ANO6: variants seen among roughly 807,000 people sequenced by gnomAD.
The protein encoded by ANO6 is anoctamin 6, also known as anoctamin-6.
A neutral mutation model predicts 117.5 loss-of-function variants in ANO6; 106 were observed. That is an observed-to-expected ratio of 0.90 (90% CI 0.77 to 1.06). The LOEUF (loss-of-function observed/expected upper bound fraction) is 1.06, where lower values mean the gene tolerates loss of function less well. Among genes scored for constraint, ANO6 ranks in the 50% least tolerant of loss-of-function variants. ANO6 has a pLI of 0.00. For synonymous variants in ANO6, 367 were observed against 385.1 expected (o/e 0.95, Z 0.55); for missense variants, 955 against 1,121.1 (o/e 0.85, Z 2.12).
chr12:45,330,346 A>T (rs990098973), intron 2 of ANO6, among the ~76,000 whole-genome samples: 2 of 152,182 alleles, frequency 1.3e-5, no homozygotes, highest in African/African-American at 2.4e-5. Context: ...GAGGAGAATT[A>T]ATCACATTTA....
At chr12:45,437,818 C>T (rs1943725088) in intron 19 of ANO6, among the ~76,000 whole-genome samples, 1 of 152,168 alleles carries the variant, frequency 6.6e-6, no homozygotes, top group South Asian at 2.1e-4. Context: ...AATCCACCCA[C>T]CTTGCCTCCC....
intron 2 of ANO6, among the ~76,000 whole-genome samples, chr12:45,319,695 C>T (rs1940186810): frequency 6.6e-6 from 1 of 152,142 alleles, no homozygotes; most frequent in Non-Finnish European, 1.5e-5. Flanking sequence ...AGGAATGGTA[C>T]CAGTTCCTCC....
chr12:45,242,371 C>T (rs1044705129), intron 1 of ANO6, among the ~76,000 whole-genome samples: 1 of 152,258 alleles, frequency 6.6e-6, no homozygotes, highest in Non-Finnish European at 1.5e-5. Flanking sequence ...GCCGTGGGAC[C>T]TGCCAAGCCA....
intron 1 of ANO6, among the ~76,000 whole-genome samples, chr12:45,222,103 C>T (rs1202215027): frequency 6.6e-6 from 1 of 151,670 alleles, no homozygotes; most frequent in Non-Finnish European, 1.5e-5. Flanking sequence ...AGGATGGTCT[C>T]ATCTCCTGAC....
chr12:45,345,705 C>T lies in ANO6; in HGVS notation c.280-1317C>T, dbSNP rs183571926. On this transcript the variant is annotated intron_variant, in intron 3 of 19. Coordinates refer to ENST00000320560, the MANE Select transcript of ANO6 (RefSeq NM_001025356.3). ...GTTCTACAGATGAAGAAAAATGAGG[C>T]ATGGAGAGTTTAATTTTCTTGTCAT... 4.4e-3 allele frequency among the ~76,000 whole-genome samples: 662 copies of T among 152,132 alleles called. 2 individuals are homozygous for T. Among genetic ancestry groups the T allele is most frequent in the Middle Eastern group, 0.01 (3 of 294 alleles).
At chr12:45,330,518 A>G (rs529288652) in intron 2 of ANO6, among the ~76,000 whole-genome samples, 1 of 152,278 alleles carries the variant, frequency 6.6e-6, no homozygotes, top group South Asian at 2.1e-4. Context: ...CACAAATTCA[A>G]ATCATTCCTC....
chr12:45,304,509 A>G (rs1468725385), intron 2 of ANO6, among the ~76,000 whole-genome samples: 1 of 152,222 alleles, frequency 6.6e-6, no homozygotes, highest in Non-Finnish European at 1.5e-5. Context: ...GTTTTTCTCC[A>G]TCTGGCATTT....
chr12:45,319,608 G>A (rs950738729), intron 2 of ANO6, among the ~76,000 whole-genome samples: 6 of 152,148 alleles, frequency 3.9e-5, no homozygotes, highest in Non-Finnish European at 5.9e-5. Context: ...CCAGGCTTTG[G>A]TATCAGGATG....
intron 8 of ANO6, among the ~76,000 whole-genome samples, chr12:45,359,431 A>G (rs12303119): frequency 0.014 from 2,070 of 152,234 alleles, 47 homozygotes; most frequent in African/African-American, 0.048. Context: ...ACCAGTGCCC[A>G]TTAGCACTCA....
At chr12:45,340,080 T>C (rs1449682029) in intron 3 of ANO6, among the ~76,000 whole-genome samples, 2 of 152,112 alleles carry the variant, frequency 1.3e-5, no homozygotes, top group Admixed American at 1.3e-4. Context: ...CGCAAGTAAG[T>C]CCTTCACAAC....
At chr12:45,343,252 A>G (rs2137434117) in intron 3 of ANO6, among the ~76,000 whole-genome samples, 1 of 152,226 alleles carries the variant, frequency 6.6e-6, no homozygotes, top group East Asian at 1.9e-4. Flanking sequence ...TAAAACACTC[A>G]TCAAGCCACT....
intron 15 of ANO6, among the ~76,000 whole-genome samples, chr12:45,406,093 T>G (rs1942928303): frequency 6.6e-6 from 1 of 152,196 alleles, no homozygotes; most frequent in African/African-American, 2.4e-5. Flanking sequence ...TCTCCCGCCT[T>G]TGGGCCCATA....
At chr12:45,277,002 A>G (rs1404362019) in intron 1 of ANO6, among the ~76,000 whole-genome samples, 3 of 152,156 alleles carry the variant, frequency 2.0e-5, no homozygotes, top group Non-Finnish European at 4.4e-5. Context: ...ACTGTAGCTG[A>G]TTCTTTTAGT....
intron 3 of ANO6, among the ~76,000 whole-genome samples, chr12:45,341,652 T>C (rs1189198248): frequency 6.6e-6 from 1 of 152,100 alleles, no homozygotes; most frequent in Non-Finnish European, 1.5e-5. Flanking sequence ...GATAGCCAAG[T>C]GGTGTAGAAG....
intron 1 of ANO6, among the ~76,000 whole-genome samples, chr12:45,261,606 A>G: frequency 6.6e-6 from 1 of 152,240 alleles, no homozygotes; most frequent in East Asian, 1.9e-4. Context: ...GTAACTCCAA[A>G]GGACTTGCTT....
intron 3 of ANO6, among the ~76,000 whole-genome samples, chr12:45,337,264 C>T (rs898635235): frequency 1.3e-5 from 2 of 152,012 alleles, no homozygotes; most frequent in East Asian, 1.9e-4. Context: ...AACTGGTATA[C>T]CATCTGTAAA....
chr12:45,435,556 A>T (rs138393562), downstream of ANO6, among the ~76,000 whole-genome samples: 2 of 152,320 alleles, frequency 1.3e-5, no homozygotes, highest in Admixed American at 6.5e-5. Flanking sequence ...TACCCTGCAT[A>T]TTGTAAATGA....
At chr12:45,243,090 G>A (rs1947770454) in intron 1 of ANO6, among the ~76,000 whole-genome samples, 1 of 152,214 alleles carries the variant, frequency 6.6e-6, no homozygotes, top group Non-Finnish European at 1.5e-5. Flanking sequence ...TGAAGTGGGA[G>A]GATTGCTTGA....
At chr12:45,385,357 G>T (rs1356637292) in intron 10 of ANO6, among the ~76,000 whole-genome samples, 1 of 152,144 alleles carries the variant, frequency 6.6e-6, no homozygotes, top group Non-Finnish European at 1.5e-5. Flanking sequence ...CAGAGCTGAG[G>T]GAGCTTCAGG....
Sources: allele counts gnomAD v4.1 joint callset (sites outside exome capture counted in the v4.1 genomes callset), GRCh38; gene constraint gnomAD v4.1.1; transcripts MANE v1.5; gene names NCBI Gene and HGNC (gene_info 2026-07-23, HGNC 2026-07-21).